SOX6: variants seen among roughly 807,000 people sequenced by gnomAD.
The protein encoded by SOX6 is SRY-box transcription factor 6, also known as transcription factor SOX-6.
A neutral mutation model predicts 97.8 loss-of-function variants in SOX6; 11 were observed. The observed-to-expected ratio is 0.11, with a 90% CI of 0.07 to 0.19. The LOEUF (loss-of-function observed/expected upper bound fraction) is 0.19, where lower values mean the gene tolerates loss of function less well. Ranked by LOEUF, SOX6 falls within the 10% of genes least tolerant of loss-of-function variation. The pLI is 1.00. For missense variants in SOX6, 810 were observed against 1,039.5 expected (o/e 0.78, Z 3.04); for synonymous variants, 360 against 371.4 (o/e 0.97, Z 0.35).
chr11:16,250,207 TCTATA>T (rs1169940125), intron 3 of SOX6, among the ~76,000 whole-genome samples: 1 of 152,274 alleles, frequency 6.6e-6, no homozygotes, highest in East Asian at 1.9e-4. Flanking sequence ...ATGCAAGAGA[TCTATA>T]CTGTGCTCTC....
At chr11:16,470,545 G>T (rs1414760956) in intron 1 of SOX6, among the ~76,000 whole-genome samples, 1 of 152,066 alleles carries the variant, frequency 6.6e-6, no homozygotes, top group Non-Finnish European at 1.5e-5. Flanking sequence ...AGGACCAAAT[G>T]GTCCAGGAAC....
chr11:16,271,697 A>T lies in SOX6; in HGVS notation c.446-37026T>A, dbSNP rs1854263932. ...GATTTTTATATTTTTCTGTAATTTA[A>T]TTGTCATTTTACTTTTGTCACTCAA... On this transcript the variant is annotated intron_variant, in intron 3 of 15. Transcript: ENST00000683767. Among the ~76,000 whole-genome samples, 3 of 151,298 alleles carry T rather than the reference A, an allele frequency of 2.0e-5. No homozygotes were observed. The South Asian group carries it at 6.2e-4, about 31-fold the overall frequency.
At chr11:16,231,272 G>C (rs964128858) in intron 4 of SOX6, among the ~76,000 whole-genome samples, 2 of 151,688 alleles carry the variant, frequency 1.3e-5, no homozygotes, top group Non-Finnish European at 3.0e-5. Flanking sequence ...TATATTAAGA[G>C]TTCTTAGAAA....
intron 7 of SOX6, among the ~76,000 whole-genome samples, chr11:16,107,842 T>G (rs1413616512): frequency 2.0e-5 from 3 of 152,232 alleles, no homozygotes; most frequent in Admixed American, 6.5e-5. Context: ...GGTATACTTG[T>G]AAAATTGTTT....
chr11:16,315,619 T>C (rs1001430166), intron 3 of SOX6: 1 of 152,168 alleles, frequency 6.6e-6, no homozygotes, highest in African/African-American at 2.4e-5. Flanking sequence ...CAAGGGAGAA[T>C]ATTCCATATA....
At chr11:16,002,528 A>G (rs1468543768) in intron 13 of SOX6, among the ~76,000 whole-genome samples, 3 of 152,298 alleles carry the variant, frequency 2.0e-5, no homozygotes, top group Middle Eastern at 3.4e-3. Flanking sequence ...TGAAGGGAGC[A>G]TAGAGCATCA....
intron 5 of SOX6, among the ~76,000 whole-genome samples, chr11:16,184,737 T>C (rs1851426713): frequency 6.6e-6 from 1 of 152,058 alleles, no homozygotes; most frequent in Non-Finnish European, 1.5e-5. Context: ...TCAAATAGCT[T>C]CCTTAGGATA....
chr11:16,464,076 T>C (rs1371947896), intron 1 of SOX6, among the ~76,000 whole-genome samples: 1 of 152,136 alleles, frequency 6.6e-6, no homozygotes, highest in African/African-American at 2.4e-5. Context: ...TTCTAAAAAA[T>C]TTAAAATTCT....
chr11:15,972,567 A>G lies in SOX6; in HGVS notation c.*242T>C, dbSNP rs1853347681. The G allele has an allele frequency of 1.9e-6, 1 of 538,560 alleles. No homozygotes were observed. The allele number at this position is 538,560 out of a possible 1,614,324, so 33.4% of individuals were successfully genotyped here. On this transcript the variant is annotated 3_prime_UTR_variant, in exon 16 of 16. Transcript: ENST00000683767. ...GATAAGTTTCAAGTCCTGGTGTCTC[A>G]TATTTAATATGTCTTCACCTAAATT...
chr11:16,084,199 G>GTA (rs529721449), intron 9 of SOX6, among the ~76,000 whole-genome samples: 1 of 151,850 alleles, frequency 6.6e-6, no homozygotes, highest in South Asian at 2.1e-4. Flanking sequence ...CAATAAATCA[G>GTA]TATATATATG....
At chr11:16,188,299 C>T (rs1213561679) in intron 4 of SOX6, among the ~76,000 whole-genome samples, 3 of 150,230 alleles carry the variant, frequency 2.0e-5, no homozygotes, top group African/African-American at 4.9e-5. Context: ...TCAATGATGG[C>T]CTAAAATCAA....
chr11:15,976,384 T>A (rs913751800), intron 15 of SOX6, among the ~76,000 whole-genome samples: 7 of 152,206 alleles, frequency 4.6e-5, no homozygotes, highest in Non-Finnish European at 7.3e-5. Context: ...ATTAGAACAT[T>A]CACATTTGAC....
At chr11:16,221,176 T>G (rs1470600834) in intron 4 of SOX6, among the ~76,000 whole-genome samples, 1 of 152,112 alleles carries the variant, frequency 6.6e-6, no homozygotes, top group African/African-American at 2.4e-5. Context: ...TATTTGCATG[T>G]TACAGTGATG....
intron 3 of SOX6, among the ~76,000 whole-genome samples, chr11:16,667,304 A>T (rs1225705213): frequency 6.6e-6 from 1 of 152,182 alleles, no homozygotes; most frequent in East Asian, 1.9e-4. Context: ...ATATATCAAT[A>T]TTGAAATACA....
intron 15 of SOX6, among the ~76,000 whole-genome samples, chr11:15,978,941 A>T (rs1853579739): frequency 7.2e-6 from 1 of 138,550 alleles, no homozygotes; most frequent in Non-Finnish European, 1.6e-5. Context: ...TTATATATAA[A>T]ATAAGCATAT....
intron 1 of SOX6, among the ~76,000 whole-genome samples, chr11:16,353,140 A>T (rs192617137): frequency 6.6e-6 from 1 of 152,206 alleles, no homozygotes; most frequent in African/African-American, 2.4e-5. Flanking sequence ...GAGAAATATG[A>T]GATCCAATTT....
chr11:16,337,203 GA>G (rs1411518451), intron 2 of SOX6, among the ~76,000 whole-genome samples: 1 of 151,262 alleles, frequency 6.6e-6, no homozygotes, highest in African/African-American at 2.4e-5. Context: ...TAAAGCAAAA[GA>G]AAAAAAAGTA....
rs1590001932 is a variant in SOX6 at position 16,600,944 on chromosome 11, C to T, written n.609+11137G>A. ...GCTTTTCCTACACTATATAGGAGCA[C>T]TAGGTTTTTTTACTTGAATATTGAG... On this transcript the variant is annotated intron_variant and non_coding_transcript_variant, in intron 4 of 5. Transcript: ENST00000524520. 2.6e-5 allele frequency among the ~76,000 whole-genome samples: 4 copies of T among 152,074 alleles called. No homozygotes were observed. In the South Asian group the frequency reaches 8.3e-4, roughly 32 times the overall value.
At chr11:16,272,614 A>T (rs896444896) in intron 3 of SOX6, among the ~76,000 whole-genome samples, 3 of 151,828 alleles carry the variant, frequency 2.0e-5, no homozygotes, top group African/African-American at 7.2e-5. Context: ...TGCAATTGTT[A>T]TAGATATGAG....
Sources: gnomAD v4.1 joint callset for allele counts (sites outside exome capture counted in the v4.1 genomes callset) on GRCh38, gnomAD v4.1.1 for gene constraint, MANE v1.5 for transcripts, NCBI Gene and HGNC (gene_info 2026-07-23, HGNC 2026-07-21) for gene names.